Variants in SERGEF observed in about 807,000 individuals in gnomAD.
SERGEF encodes secretion regulating guanine nucleotide exchange factor, also known as secretion-regulating guanine nucleotide exchange factor.
Under a neutral mutation model 50.0 loss-of-function variants are expected in SERGEF, and 51 were observed. That is an observed-to-expected ratio of 1.02 (90% CI 0.81 to 1.29). SERGEF has a LOEUF of 1.29. Ranked by LOEUF, SERGEF falls within the 50% of genes most tolerant of loss-of-function variation. SERGEF has a pLI of 0.00. For synonymous variants in SERGEF, 205 were observed against 212.4 expected (o/e 0.97, Z 0.30); for missense variants, 521 against 557.0 (o/e 0.94, Z 0.65).
chr11:17,867,806 G>A (rs1185121425), intron 10 of SERGEF, among the ~76,000 whole-genome samples: 1 of 152,314 alleles, frequency 6.6e-6, no homozygotes, highest in East Asian at 1.9e-4. Context: ...GCACTCGCAG[G>A]CTCGACACCA....
At chr11:17,918,840 AG>A in intron 9 of SERGEF, 1 of 382,784 alleles carries the variant, frequency 2.6e-6, no homozygotes, top group South Asian at 2.0e-5. Context: ...GAAGAGTGTG[AG>A]CAAAGGTATA....
intron 10 of SERGEF, among the ~76,000 whole-genome samples, chr11:17,816,656 C>T (rs1399145478): frequency 1.3e-5 from 2 of 152,232 alleles, no homozygotes; most frequent in Non-Finnish European, 2.9e-5. Flanking sequence ...CTTGCTCCTG[C>T]TAGCTCAGTC....
chr11:17,886,472 C>A (rs920007540), intron 9 of SERGEF, among the ~76,000 whole-genome samples: 1 of 151,914 alleles, frequency 6.6e-6, no homozygotes, highest in African/African-American at 2.4e-5. Flanking sequence ...ATTAGCCCGG[C>A]GTGGTGAAGT....
intron 9 of SERGEF, among the ~76,000 whole-genome samples, chr11:17,940,768 T>G (rs1852547077): frequency 6.6e-6 from 1 of 152,102 alleles, no homozygotes; most frequent in African/African-American, 2.4e-5. Context: ...CCCTTTCTAG[T>G]GTTCCTTCAG....
chr11:17,862,382 G>A (rs933789363), intron 10 of SERGEF, among the ~76,000 whole-genome samples: 1 of 152,152 alleles, frequency 6.6e-6, no homozygotes, highest in Non-Finnish European at 1.5e-5. Flanking sequence ...AAGAAAAGGA[G>A]GCCTGTAGAA....
intron 9 of SERGEF, among the ~76,000 whole-genome samples, chr11:17,907,163 CAAAAAAAAAA>C (rs200442630): frequency 5.8e-4 from 68 of 116,788 alleles, no homozygotes; most frequent in African/African-American, 2.0e-3. Flanking sequence ...AACTTATGAC[CAAAAAAAAAA>C]AAAAAAAAAA....
In SERGEF at chr11:17,959,543, T is replaced by C. The variant is rs764474717; in HGVS notation, c.938A>G (p.Asp313Gly). Residue 313 changes from aspartate to glycine, a missense_variant, in exon 9 of 11, where the codon GAT (aspartate) becomes GGT (glycine). By Grantham distance (94) the Asp-to-Gly change is moderately conservative. Coordinates refer to ENST00000265965, the MANE Select transcript of SERGEF (RefSeq NM_012139.4). ...TYEGWKLEKQ[D>G]SFLPCSRPPN... ...TGGTCTTGAACAGGGGAGAAATGAA[T>C]CTTGCTTTTCTAGTTTCCAGCCTTC... 1.2e-6 allele frequency: 2 copies of C among 1,613,894 alleles called. No individual in the cohort carries two copies. Among genetic ancestry groups the C allele is most frequent in the Non-Finnish European group, 1.7e-6 (2 of 1,179,900 alleles).
chr11:17,986,577 C>G (rs934279534), intron 8 of SERGEF, among the ~76,000 whole-genome samples: 6 of 152,312 alleles, frequency 3.9e-5, no homozygotes, highest in Non-Finnish European at 8.8e-5. Context: ...GGGCTGCTGG[C>G]CCAGATGTGG....
At chr11:17,986,664 T>G (rs1339660294) in intron 8 of SERGEF, among the ~76,000 whole-genome samples, 4 of 152,240 alleles carry the variant, frequency 2.6e-5, no homozygotes, top group Admixed American at 6.5e-5. Context: ...GTCAACTACC[T>G]GACTAGTTAA....
At chr11:18,004,349 T>A (rs970947310) in intron 4 of SERGEF, 92 bp downstream of exon 4, 1 of 899,320 alleles carries the variant, frequency 1.1e-6, no homozygotes, top group African/African-American at 1.7e-5. Context: ...TTCTCAGGGA[T>A]CCTGACAGCC....
At chr11:17,932,651 A>G (rs1166816001) in intron 9 of SERGEF, among the ~76,000 whole-genome samples, 1 of 152,180 alleles carries the variant, frequency 6.6e-6, no homozygotes, top group Non-Finnish European at 1.5e-5. Context: ...AACATTTCTT[A>G]GCCTCTGCCA....
intron 10 of SERGEF, among the ~76,000 whole-genome samples, chr11:17,813,342 G>A (rs1420022267): frequency 6.6e-6 from 1 of 152,162 alleles, no homozygotes; most frequent in East Asian, 1.9e-4. Context: ...CTCATGAGGT[G>A]ACTTGCTCAT....
chr11:17,797,061 T>G (rs1406191586), intron 10 of SERGEF, among the ~76,000 whole-genome samples: 1 of 152,182 alleles, frequency 6.6e-6, no homozygotes, highest in Non-Finnish European at 1.5e-5. Context: ...GGGAAGGTAA[T>G]GTGCAAAATA....
rs1852957488 is a variant in SERGEF, at chr11:17,959,691, G to A, written c.845-55C>T. 5 of 1,436,802 alleles carry A rather than the reference G, an allele frequency of 3.5e-6. No individual in the cohort carries two copies. In the East Asian group the frequency reaches 7.0e-5, roughly 20 times the overall value. 89.0% of individuals were successfully genotyped at this position (1,436,802 alleles called of 1,614,324 possible). A position where few individuals can be genotyped will look rare whatever the true frequency, so the allele number is the denominator to read the frequency against. ...TACATTCCACAGCTGTGCTCTCATG[G>A]GTAGGCAATGAATTACAAGAGAAAG... On this transcript the variant is annotated intron_variant, in intron 8 of 10. Transcript: ENST00000265965.
At chr11:17,972,937 G>T (rs1295290361) in intron 8 of SERGEF, among the ~76,000 whole-genome samples, 6 of 151,378 alleles carry the variant, frequency 4.0e-5, no homozygotes, top group Admixed American at 3.3e-4. Flanking sequence ...CCCTAATTCT[G>T]TACATCACCT....
intron 9 of SERGEF, among the ~76,000 whole-genome samples, chr11:17,916,326 G>A (rs1852047561): frequency 6.6e-6 from 1 of 152,186 alleles, no homozygotes; most frequent in Non-Finnish European, 1.5e-5. Context: ...ATTTGGCTGA[G>A]TGCAGCTTTC....
At chr11:18,012,842 G>A (rs900432589) in intron 1 of SERGEF, 109 bp downstream of exon 1, 153 of 1,335,950 alleles carry the variant, frequency 1.1e-4, no homozygotes, top group Non-Finnish European at 1.5e-4. Flanking sequence ...CCCAGAGCCC[G>A]GCTCGGACCT....
At chr11:17,911,286 G>T (rs938761987) in intron 9 of SERGEF, among the ~76,000 whole-genome samples, 2 of 146,870 alleles carry the variant, frequency 1.4e-5, no homozygotes, top group Admixed American at 6.8e-5. Flanking sequence ...CTGGCTCTGG[G>T]AAGTTTTTTG....
chr11:17,900,891 T>C (rs1851737432), intron 9 of SERGEF, among the ~76,000 whole-genome samples: 1 of 152,110 alleles, frequency 6.6e-6, no homozygotes, highest in South Asian at 2.1e-4. Context: ...GTTTGCTTAA[T>C]AAAGAGGGAG....
Sources: gnomAD v4.1 joint callset for allele counts (sites outside exome capture counted in the v4.1 genomes callset) on GRCh38, gnomAD v4.1.1 for gene constraint, MANE v1.5 for transcripts, NCBI Gene and HGNC (gene_info 2026-07-23, HGNC 2026-07-21) for gene names.